The following MACROD2 variants were observed in gnomAD, a reference collection of about 807,000 sequenced individuals.
MACROD2 encodes the protein mono-ADP ribosylhydrolase 2, also known as ADP-ribose glycohydrolase MACROD2.
Under a neutral mutation model 70.4 loss-of-function variants are expected in MACROD2, and 36 were observed. That is an observed-to-expected ratio of 0.51 (90% CI 0.39 to 0.68). The LOEUF is 0.68. Among genes scored for constraint, MACROD2 ranks in the 30% least tolerant of loss-of-function variants. MACROD2 has a pLI of 0.00. For synonymous variants in MACROD2, 172 were observed against 178.8 expected (o/e 0.96, Z 0.30); for missense variants, 496 against 538.4 (o/e 0.92, Z 0.78).
intron 8 of MACROD2, among the ~76,000 whole-genome samples, chr20:15,803,440 TAA>T (rs1471831644): frequency 6.6e-6 from 1 of 152,040 alleles, no homozygotes; most frequent in African/African-American, 2.4e-5. Flanking sequence ...ATATTTCAAA[TAA>T]AAAGTGCCTG....
chr20:14,914,615 T>C (rs987335389), intron 5 of MACROD2, among the ~76,000 whole-genome samples: 2 of 152,208 alleles, frequency 1.3e-5, no homozygotes, highest in Non-Finnish European at 1.5e-5. Context: ...CATTTTAATA[T>C]TTGAAGAGTT....
At chr20:15,863,677 A>G in intron 9 of MACROD2, among the ~76,000 whole-genome samples, 1 of 152,166 alleles carries the variant, frequency 6.6e-6, no homozygotes, top group Middle Eastern at 3.2e-3. Context: ...GTAGTTTGTC[A>G]TATCACAGGT....
intron 4 of MACROD2, among the ~76,000 whole-genome samples, chr20:14,516,420 T>A (rs2123163302): frequency 6.6e-6 from 1 of 152,240 alleles, no homozygotes; most frequent in South Asian, 2.1e-4. Flanking sequence ...TCTTCTAGGG[T>A]TTTTATGGTT....
intron 7 of MACROD2, among the ~76,000 whole-genome samples, chr20:15,477,803 T>A (rs573750077): frequency 5.7e-4 from 86 of 152,174 alleles, no homozygotes; most frequent in Non-Finnish European, 9.7e-4. Flanking sequence ...TTCTGGATGA[T>A]CCACATGGGC....
chr20:14,414,048 AG>A (rs1243317950), intron 3 of MACROD2, among the ~76,000 whole-genome samples: 2 of 152,182 alleles, frequency 1.3e-5, no homozygotes, highest in Admixed American at 1.3e-4. Context: ...TCTGTCCCTA[AG>A]GGATGTCATC....
rs554432654 is a variant in MACROD2 at position 15,998,310 on chromosome 20, G to A, written c.1153+11152G>A. Among the ~76,000 whole-genome samples, 12 of 152,046 alleles carry A rather than the reference G, an allele frequency of 7.9e-5. No individual in the cohort carries two copies. In the East Asian group the frequency reaches 1.7e-3, roughly 22 times the overall value. ...TCACCAATGAAGTAATCTGGTTGTG[G>A]GCTTTTCTTTATTGGGAGGTTTTCG... On this transcript the variant is annotated intron_variant, in intron 15 of 17. Coordinates refer to ENST00000684519, the MANE Select transcript of MACROD2 (RefSeq NM_001351661.2).
intron 8 of MACROD2, among the ~76,000 whole-genome samples, chr20:15,665,646 A>G (rs1172428244): frequency 6.6e-6 from 1 of 152,226 alleles, no homozygotes; most frequent in Non-Finnish European, 1.5e-5. Context: ...ATCAAGCAGA[A>G]CATATATTTC....
intron 15 of MACROD2, among the ~76,000 whole-genome samples, chr20:16,005,139 G>A (rs1371707055): frequency 6.6e-6 from 1 of 152,158 alleles, no homozygotes; most frequent in Non-Finnish European, 1.5e-5. Context: ...TCATGTGAAA[G>A]AAGATGGCAT....
intron 3 of MACROD2, among the ~76,000 whole-genome samples, chr20:14,219,135 G>C (rs1601362281): frequency 6.6e-6 from 1 of 152,136 alleles, no homozygotes; most frequent in East Asian, 1.9e-4. Context: ...TGTTTTCCGA[G>C]CTTTTAGAAT....
At chr20:14,783,114 C>A (rs1276337982) in intron 5 of MACROD2, among the ~76,000 whole-genome samples, 1 of 152,156 alleles carries the variant, frequency 6.6e-6, no homozygotes. Flanking sequence ...TTCAACACTA[C>A]TACTTTTCCA....
intron 5 of MACROD2, among the ~76,000 whole-genome samples, chr20:15,058,243 T>C (rs1005471133): frequency 6.6e-6 from 1 of 152,150 alleles, no homozygotes; most frequent in African/African-American, 2.4e-5. Flanking sequence ...GTAGAAAAGT[T>C]CTTATTTGAA....
At chr20:14,885,916 T>C (rs956374654) in intron 5 of MACROD2, among the ~76,000 whole-genome samples, 9 of 152,186 alleles carry the variant, frequency 5.9e-5, no homozygotes, top group Admixed American at 2.0e-4. Flanking sequence ...GTATCTACAA[T>C]GTGCCAGGCA....
At chr20:15,346,107 ATT>A (rs11477138) in intron 6 of MACROD2, among the ~76,000 whole-genome samples, 26,711 of 140,456 alleles carry the variant, frequency 0.19, 2,771 homozygotes, top group East Asian at 0.48. Flanking sequence ...TAAGGTAAAA[ATT>A]TTTTTTTTTT....
At chr20:14,559,107 T>C (rs987775891) in intron 4 of MACROD2, among the ~76,000 whole-genome samples, 5 of 151,752 alleles carry the variant, frequency 3.3e-5, no homozygotes, top group Non-Finnish European at 5.9e-5. Flanking sequence ...CCTAAAGAGA[T>C]AGTATGAACT....
chr20:14,742,653 A>G (rs1190292600), intron 5 of MACROD2, among the ~76,000 whole-genome samples: 1 of 152,044 alleles, frequency 6.6e-6, no homozygotes, highest in Non-Finnish European at 1.5e-5. Flanking sequence ...TCCTATGCTA[A>G]GGTTCCTAGC....
intron 5 of MACROD2, among the ~76,000 whole-genome samples, chr20:15,086,916 CA>C (rs1439752822): frequency 6.6e-6 from 1 of 152,102 alleles, no homozygotes; most frequent in Non-Finnish European, 1.5e-5. Context: ...TTAAGATTAG[CA>C]ATGATGGTCC....
chr20:14,577,852 A>C (rs935762657), intron 4 of MACROD2, among the ~76,000 whole-genome samples: 3 of 69,382 alleles, frequency 4.3e-5, no homozygotes, highest in African/African-American at 1.2e-4. Flanking sequence ...CTATGTAAGA[A>C]ATATCTGCTT....
At chr20:14,116,447 C>T (rs1360885323) in intron 3 of MACROD2, among the ~76,000 whole-genome samples, 1 of 152,102 alleles carries the variant, frequency 6.6e-6, no homozygotes, top group Admixed American at 6.6e-5. Context: ...ATAATCAAGA[C>T]TTTTAGTTAG....
chr20:15,495,667 T>A (rs969497160), intron 7 of MACROD2, among the ~76,000 whole-genome samples: 1 of 152,220 alleles, frequency 6.6e-6, no homozygotes, highest in African/African-American at 2.4e-5. Flanking sequence ...GTGCCAGCAA[T>A]GTTTTAGGTA....
Sources: gnomAD v4.1 joint callset for allele counts (sites outside exome capture counted in the v4.1 genomes callset) on GRCh38, gnomAD v4.1.1 for gene constraint, MANE v1.5 for transcripts, NCBI Gene and HGNC (gene_info 2026-07-23, HGNC 2026-07-21) for gene names.